Variants in UNC13D observed in about 807,000 individuals in gnomAD.
UNC13D encodes protein unc-13 homolog D.
In UNC13D, 115 loss-of-function variants were observed where a neutral mutation model predicts 151.7. The observed-to-expected ratio is 0.76, with a 90% CI of 0.65 to 0.88. UNC13D has a LOEUF of 0.88. Ranked by LOEUF, UNC13D falls within the 40% of genes least tolerant of loss-of-function variation. UNC13D has a pLI of 0.00. For synonymous variants in UNC13D, 588 were observed against 612.2 expected, an observed-to-expected ratio of 0.96 and a Z score of 0.58; for missense variants, 1,369 against 1,438.7, an observed-to-expected ratio of 0.95 and a Z score of 0.78.
intron 27 of UNC13D, among the ~76,000 whole-genome samples, 185 bp downstream of exon 27, chr17:75,830,913 G>C (rs1011481894): frequency 6.6e-6 from 1 of 152,204 alleles, no homozygotes; most frequent in Non-Finnish European, 1.5e-5. Flanking sequence ...TGCTTAGGAG[G>C]ACCCAGGCTT....
intron 5 of UNC13D, 86 bp from the exon 6 acceptor site, chr17:75,842,699 C>T (rs544024707): frequency 1.2e-6 from 2 of 1,603,008 alleles, no homozygotes; most frequent in Admixed American, 1.7e-5. Flanking sequence ...CGGGGCTGAG[C>T]CTCCTCCGGG....
At chr17:75,842,684 C>T in intron 5 of UNC13D, 71 bp from the exon 6 acceptor site, 1 of 1,605,646 alleles carries the variant, frequency 6.2e-7, no homozygotes, top group East Asian at 2.2e-5. Flanking sequence ...CTCATCACCC[C>T]CGCCCGGGGC....
At position 75,836,849 on chromosome 17, in the gene UNC13D, G is replaced by A; in HGVS notation, c.1125C>T (p.Ile375=). 6.2e-7 allele frequency: 1 copy of A among 1,614,042 alleles called. No individual in the cohort carries two copies. Among genetic ancestry groups the A allele is most frequent in the African/African-American group, 1.3e-5 (1 of 75,052 alleles). Residue 375 remains isoleucine (I), a synonymous_variant, in exon 13 of 32, where the codon ATC becomes ATT. Coordinates refer to ENST00000207549, the MANE Select transcript of UNC13D (RefSeq NM_199242.3). ...EFPSSCLLHP[I]TSIEYQWIQG... is the part of the protein sequence containing the mutation. ...GGATCCACTGGTACTCGATGCTGGT[G>A]ATGGGGTGCAGGAGGCAGCTGCTGG...
chr17:75,833,578 T>C lies in UNC13D; in HGVS notation c.2367+497A>G, dbSNP rs2064887006. The stretch of plus-strand genomic sequence containing the variant: ...TGGATACTCACTATGTAGCTCTTTT[T>C]TCACCTCCACTACTAGAACGTGGGC... On this transcript the variant is annotated intron_variant, in intron 24 of 31. Coordinates refer to ENST00000207549, the MANE Select transcript of UNC13D (RefSeq NM_199242.3). This position sits in a 1 kb window ranked among gnomAD's most constrained non-coding sequence, Gnocchi z 4.0. Among the ~76,000 whole-genome samples the C allele has an allele frequency of 6.6e-6, 1 of 152,230 alleles. No individual in the cohort carries two copies. The highest frequency in any genetic ancestry group is 2.4e-5 in the African/African-American group (1 of 41,458).
In UNC13D at chr17:75,834,189, G is replaced by A. The variant is rs7212635; in HGVS notation, c.2299-46C>T. 153,539 of 1,609,286 alleles carry A rather than the reference G, an allele frequency of 0.095. 14,302 individuals carry two copies. The highest frequency in any genetic ancestry group is 0.43 in the African/African-American group (32,313 of 74,868). On this transcript the variant is annotated intron_variant, in intron 23 of 31. Coordinates refer to ENST00000207549, the MANE Select transcript of UNC13D (RefSeq NM_199242.3). ...AAGGAGGGAGGTCAGGGCATGAGTCGGGGATGGAAGAGTTCCTTAGGGCCT... is the reference window on the plus strand; with the variant it reads ...AAGGAGGGAGGTCAGGGCATGAGTCAGGGATGGAAGAGTTCCTTAGGGCCT...
chr17:75,828,045 G>A lies in UNC13D; in HGVS notation c.3193C>T (p.Arg1065Ter), dbSNP rs774921373. 4 of 1,578,322 alleles carry A rather than the reference G, an allele frequency of 2.5e-6. No individual in the cohort carries two copies. Among genetic ancestry groups the A allele is most frequent in the Admixed American group, 1.8e-5 (1 of 54,732 alleles). The part of the protein sequence containing the change: ...LQLLEGRKGD[R>*]EAQVFVRLRR... ...AGCCTCACAAAGACCTGGGCTTCTC[G>A]GTCACCCTTCCGGCCCTCCAGCAGC... The change falls in exon 32 of 32, where the codon CGA (arginine) becomes TGA (stop). Residue 1065 changes from arginine to a stop codon, truncating the protein, a stop_gained. Coordinates refer to ENST00000207549, the MANE Select transcript of UNC13D (RefSeq NM_199242.3). LOFTEE classifies it high-confidence loss of function.
intron 30 of UNC13D, chr17:75,829,697 TCTC>T (rs2062148069): frequency 6.1e-5 from 20 of 326,682 alleles, no homozygotes; most frequent in South Asian, 5.2e-4. Flanking sequence ...GTTAAGCAAT[TCTC>T]CTGCCTCAGC....
intron 6 of UNC13D, 121 bp downstream of exon 6, chr17:75,842,312 T>C: frequency 7.2e-7 from 1 of 1,388,758 alleles, no homozygotes. Context: ...TCCTCTAGTC[T>C]TTGCCCAGGG....
Position 75,833,166 on chromosome 17 carries a change from G to A in UNC13D, c.2368-121C>T. The stretch of plus-strand genomic sequence containing the variant: ...AACCGTTCTGTGAGAGCAGTTTGTA[G>A]TGTCTGTAAGAGGCCGGCCTGCCCA... On this transcript the variant is annotated intron_variant, in intron 24 of 31. Transcript: ENST00000207549. The surrounding 1 kb of genome is among the most constrained non-coding windows in gnomAD (Gnocchi z 4.0). 2.0e-6 allele frequency: 2 copies of A among 987,034 alleles called. No individual in the cohort carries two copies. Among genetic ancestry groups the A allele is most frequent in the Non-Finnish European group, 3.1e-6 (2 of 649,774 alleles). The allele number at this position is 987,034 out of a possible 1,614,324, so 61.1% of individuals were successfully genotyped here.
chr17:75,828,989 G>T lies in UNC13D; in HGVS notation c.2955-6C>A, dbSNP rs753334662. 1 of 1,600,968 alleles carries T rather than the reference G, an allele frequency of 6.2e-7. No homozygotes were observed. Among genetic ancestry groups the T allele is most frequent in the Non-Finnish European group, 8.5e-7 (1 of 1,179,190 alleles). Reference sequence around the variant, plus strand: ...ACGGCTCAGCAGGCACCAGGCTGCGGGGAGAGTCAGGGCTCTGCTGCCAGC... The same window carrying T: ...ACGGCTCAGCAGGCACCAGGCTGCGTGGAGAGTCAGGGCTCTGCTGCCAGC... On this transcript the variant is annotated splice_region_variant and splice_polypyrimidine_tract_variant and intron_variant, in intron 30 of 31. Coordinates refer to ENST00000207549, the MANE Select transcript of UNC13D (RefSeq NM_199242.3).
In UNC13D at chr17:75,842,898, G is replaced by A. The variant is rs2064959011; in HGVS notation, c.347C>T (p.Thr116Ile). ...LEKPIFCLKATVKQAKGILGK... is the reference protein window; with the variant it reads ...LEKPIFCLKAIVKQAKGILGK... ...CAGAATGCCCTTGGCCTGTTTCACTGTTGCCTTCAGACAAAATATTGGCTT... is the reference window on the plus strand; with the variant it reads ...CAGAATGCCCTTGGCCTGTTTCACTATTGCCTTCAGACAAAATATTGGCTT... The change falls in exon 5 of 32, where the codon ACA (threonine) becomes ATA (isoleucine). Residue 116 changes from threonine to isoleucine, a missense_variant. Coordinates refer to ENST00000207549, the MANE Select transcript of UNC13D (RefSeq NM_199242.3). The A allele has an allele frequency of 1.2e-6, 2 of 1,613,582 alleles. No homozygotes were observed. The highest frequency in any genetic ancestry group is 3.3e-5 in the Admixed American group (2 of 60,012).
chr17:75,836,514 C>G (rs2064910019), intron 14 of UNC13D, 58 bp downstream of exon 14: 2 of 1,612,650 alleles, frequency 1.2e-6, no homozygotes, highest in South Asian at 2.2e-5. Flanking sequence ...CTCCTGCAGG[C>G]ACCCCAGCTG....
At chr17:75,837,544 A>C (rs2064917467) in intron 12 of UNC13D, among the ~76,000 whole-genome samples, 3 of 150,806 alleles carry the variant, frequency 2.0e-5, no homozygotes, top group Admixed American at 2.0e-4. Flanking sequence ...ACCTGAGGTC[A>C]GGAGTTTGAG....
chr17:75,841,598 C>T (rs530500255), intron 6 of UNC13D, among the ~76,000 whole-genome samples: 4 of 151,080 alleles, frequency 2.6e-5, no homozygotes, highest in South Asian at 4.2e-4. Context: ...TGCACCTCCA[C>T]GCCCGGCTAA....
Position 75,833,895 on chromosome 17 carries a change from G to A in UNC13D, c.2367+180C>T, listed in dbSNP as rs917736638. On this transcript the variant is annotated intron_variant, in intron 24 of 31. Coordinates refer to ENST00000207549, the MANE Select transcript of UNC13D (RefSeq NM_199242.3). This position sits in a 1 kb window ranked among gnomAD's most constrained non-coding sequence, Gnocchi z 4.0. ...CCCCCTCATTGACTGTCAGTGCTGG[G>A]ACAGCCAGTGGAGTGACCCAACCCG... 6.6e-6 allele frequency among the ~76,000 whole-genome samples: 1 copy of A among 152,170 alleles called. No homozygotes were observed. The highest frequency in any genetic ancestry group is 1.5e-5 in the Non-Finnish European group (1 of 68,034).
At position 75,836,036 on chromosome 17, in the gene UNC13D, C is replaced by T. The variant is rs866295247; in HGVS notation, c.1520G>A (p.Arg507His). The part of the protein sequence containing the change: ...DVIGDLHQCQ[R>H]TWDKIFHNTL... The stretch of plus-strand genomic sequence containing the variant: ...CTTGTGGAAGATCTTGTCCCATGTG[C>T]GCTGGCACTGGTGCAGGTCGCCAAT... The change falls in exon 17 of 32, where the codon CGC becomes CAC. Residue 507 changes from arginine to histidine, a missense_variant. By Grantham distance (29) the Arg-to-His change is conservative. Coordinates refer to ENST00000207549, the MANE Select transcript of UNC13D (RefSeq NM_199242.3). 39 of 1,613,920 alleles carry T rather than the reference C, an allele frequency of 2.4e-5. No individual in the cohort carries two copies. In the Admixed American group the frequency reaches 3.8e-4, roughly 16 times the overall value.
At position 75,827,922 on chromosome 17, in the gene UNC13D, C is replaced by T; in HGVS notation, c.*43G>A. The T allele has an allele frequency of 6.3e-7, 1 of 1,599,988 alleles. No homozygotes were observed. On this transcript the variant is annotated 3_prime_UTR_variant, in exon 32 of 32. Coordinates refer to ENST00000207549, the MANE Select transcript of UNC13D (RefSeq NM_199242.3). ...CCCAGACCCTACAGGAAAGCCCTTG[C>T]AAGTCCCCACCGGGGACCCAGCCCC...
intron 30 of UNC13D, among the ~76,000 whole-genome samples, chr17:75,829,286 C>A (rs752059070): frequency 1.1e-4 from 16 of 152,218 alleles, no homozygotes; most frequent in Admixed American, 7.2e-4. Flanking sequence ...TCCACCCCTT[C>A]CCCCAAGGGA....
chr17:75,840,172 C>A lies in UNC13D; in HGVS notation c.858+53G>T, dbSNP rs777133584. ...ACTGGGTGCAGCCAGCCCCGCAACC[C>A]AGCAGACCGCCGCAAGAGCTGGGCA... On this transcript the variant is annotated intron_variant, in intron 10 of 31. Transcript: ENST00000207549. This position sits in a 1 kb window ranked among gnomAD's most constrained non-coding sequence, Gnocchi z 4.6. The A allele has an allele frequency of 3.1e-6, 5 of 1,612,312 alleles. No individual in the cohort carries two copies. Among genetic ancestry groups the A allele is most frequent in the Non-Finnish European group, 3.4e-6 (4 of 1,179,312 alleles).
Sources: allele counts gnomAD v4.1 joint callset (sites outside exome capture counted in the v4.1 genomes callset), GRCh38; gene constraint gnomAD v4.1.1; non-coding constraint Gnocchi (gnomAD v3.1); transcripts MANE v1.5; gene names NCBI Gene and HGNC (gene_info 2026-07-23, HGNC 2026-07-21).